The following SIRPA variants were observed in gnomAD, a reference collection of about 807,000 sequenced individuals.
SIRPA encodes signal regulatory protein alpha, also known as tyrosine-protein phosphatase non-receptor type substrate 1.
SIRPA carries 9 observed loss-of-function variants against 50.3 expected under a neutral mutation model. The observed-to-expected ratio is 0.18, with a 90% CI of 0.11 to 0.31. The LOEUF (loss-of-function observed/expected upper bound fraction) is 0.31. Among genes scored for constraint, SIRPA ranks in the 10% least tolerant of loss-of-function variants. SIRPA has a pLI of 1.00. For synonymous variants in SIRPA, 265 were observed against 284.1 expected, an observed-to-expected ratio of 0.93 and a Z score of 0.68; for missense variants, 474 against 661.6, an observed-to-expected ratio of 0.72 and a Z score of 3.11.
chr20:1,906,403 A>G (rs552349119), intron 1 of SIRPA, among the ~76,000 whole-genome samples: 1 of 152,340 alleles, frequency 6.6e-6, no homozygotes, highest in South Asian at 2.1e-4. Context: ...AGGATGACAT[A>G]TCGAACAATG....
At chr20:1,908,663 T>A (rs1038753695) in intron 1 of SIRPA, among the ~76,000 whole-genome samples, 2 of 152,212 alleles carry the variant, frequency 1.3e-5, no homozygotes, top group African/African-American at 2.4e-5. Flanking sequence ...TACACACGTG[T>A]GTTCTCGTGT....
intron 2 of SIRPA, among the ~76,000 whole-genome samples, chr20:1,919,777 C>T (rs556930490): frequency 1.3e-5 from 2 of 152,248 alleles, no homozygotes; most frequent in East Asian, 3.9e-4. Flanking sequence ...AGCCAATTCG[C>T]CAAACTTGTT....
chr20:1,934,661 T>G lies in SIRPA; in HGVS notation c.1227-54T>G. ...TAAATGTTATTCTTATCAGTTTGCA[T>G]GAGCACTTGAGATAGTGAGGGTATT... On this transcript the variant is annotated intron_variant, in intron 6 of 7. Coordinates refer to ENST00000358771, the MANE Select transcript of SIRPA (RefSeq NM_001040023.2). The surrounding 1 kb of genome is among the most constrained non-coding windows in gnomAD (Gnocchi z 4.6). 1.9e-6 allele frequency: 3 copies of G among 1,567,268 alleles called. No individual in the cohort carries two copies. Among genetic ancestry groups the G allele is most frequent in the South Asian group, 1.1e-5 (1 of 90,056 alleles).
At position 1,912,577 on chromosome 20, in the gene SIRPA, C is replaced by T. The variant is rs574781211; in HGVS notation, c.80-2522C>T. Among the ~76,000 whole-genome samples the T allele has an allele frequency of 3.3e-5, 5 of 152,196 alleles. No homozygotes were observed. In the East Asian group the frequency reaches 9.6e-4, roughly 29 times the overall value. On this transcript the variant is annotated intron_variant, in intron 1 of 7. Coordinates refer to ENST00000358771, the MANE Select transcript of SIRPA (RefSeq NM_001040023.2). ...ATCCTACTATTGGGAATGTGACAAT[C>T]CAGAGAAAATCAAATATGTGAATAA... is the stretch of plus-strand genomic sequence containing the variant.
intron 5 of SIRPA, among the ~76,000 whole-genome samples, chr20:1,926,605 A>G (rs1207165872): frequency 6.6e-6 from 1 of 152,228 alleles, no homozygotes; most frequent in Non-Finnish European, 1.5e-5. Flanking sequence ...CCAATGTGCC[A>G]GGCACTGCTC....
intron 1 of SIRPA, among the ~76,000 whole-genome samples, chr20:1,899,101 C>CTT (rs775273162): frequency 9.9e-5 from 15 of 151,820 alleles, no homozygotes; most frequent in African/African-American, 3.6e-4. Context: ...AGGTTTCCCC[C>CTT]CTCTCTCTCT....
chr20:1,930,586 TA>T (rs1443730674), intron 6 of SIRPA, among the ~76,000 whole-genome samples: 1 of 152,272 alleles, frequency 6.6e-6, no homozygotes, highest in African/African-American at 2.4e-5. Flanking sequence ...TTTTTGTTGT[TA>T]TTTTTTTATT....
intron 1 of SIRPA, among the ~76,000 whole-genome samples, chr20:1,904,369 G>A (rs182207127): frequency 8.5e-5 from 13 of 152,334 alleles, no homozygotes; most frequent in Admixed American, 8.5e-4. Flanking sequence ...CTCTTGGCTG[G>A]GGGTTGGCTT....
rs1324682693 is a variant in SIRPA at position 1,921,579 on chromosome 20, C to T, written c.621C>T (p.Tyr207=). ...NVDPVGESVS[Y]SIHSTAKVVL... is the part of the protein sequence containing the mutation. The stretch of plus-strand genomic sequence containing the variant: ...ACCCCGTAGGAGAGAGCGTGTCCTA[C>T]AGCATCCACAGCACAGCCAAGGTGG... The change falls in exon 3 of 8, where the codon TAC becomes TAT. Residue 207 remains tyrosine, a synonymous_variant. Transcript: ENST00000358771. The T allele has an allele frequency of 4.3e-6, 7 of 1,614,142 alleles. No homozygotes were observed. The highest frequency in any genetic ancestry group is 1.1e-5 in the South Asian group (1 of 91,090).
At chr20:1,902,641 A>G (rs1163720819) in intron 1 of SIRPA, among the ~76,000 whole-genome samples, 2 of 152,206 alleles carry the variant, frequency 1.3e-5, no homozygotes, top group Non-Finnish European at 2.9e-5. Context: ...AGCTGGGGAG[A>G]AAAGCAGGAG....
At chr20:1,905,591 A>AG (rs1984499423) in intron 1 of SIRPA, among the ~76,000 whole-genome samples, 1 of 152,196 alleles carries the variant, frequency 6.6e-6, no homozygotes, top group Non-Finnish European at 1.5e-5. Context: ...TCCCAACCTC[A>AG]GCCTCTCCAG....
intron 2 of SIRPA, among the ~76,000 whole-genome samples, chr20:1,916,214 A>T (rs1037143511): frequency 3.9e-5 from 6 of 152,194 alleles, no homozygotes; most frequent in African/African-American, 1.2e-4. Context: ...GGCAGCAAAG[A>T]TGCTCATTTT....
Position 1,895,597 on chromosome 20 carries a change from G to A in SIRPA, c.79+71G>A, listed in dbSNP as rs897890916. The A allele has an allele frequency of 1.2e-4, 138 of 1,187,156 alleles. 1 individual carries two copies. In the Admixed American group the frequency reaches 4.5e-3, roughly 38 times the overall value. The allele number at this position is 1,187,156 out of a possible 1,614,324, so 73.5% of individuals were successfully genotyped here. A position where few individuals can be genotyped will look rare whatever the true frequency, so the allele number is the denominator to read the frequency against. On this transcript the variant is annotated intron_variant, in intron 1 of 7. Transcript: ENST00000358771. ...GCTCAGGCCTCTCAGACTGGCACTG[G>A]GACCCCTTCGGCTAATGCCGAGCAG...
In SIRPA at chr20:1,916,032, G is replaced by A. The variant is rs145655874; in HGVS notation, c.436+577G>A. Among the ~76,000 whole-genome samples, 75 of 152,340 alleles carry A rather than the reference G, an allele frequency of 4.9e-4. No homozygotes were observed. In the East Asian group the frequency reaches 0.013, roughly 26 times the overall value. On this transcript the variant is annotated intron_variant, in intron 2 of 7. Coordinates refer to ENST00000358771, the MANE Select transcript of SIRPA (RefSeq NM_001040023.2). Reference sequence around the variant, plus strand: ...TTTAATCTGATGGCCCTGGTGAGAGGAGAAGCCAGAGGGTTGGGCATTTTC... The same window carrying A: ...TTTAATCTGATGGCCCTGGTGAGAGAAGAAGCCAGAGGGTTGGGCATTTTC...
At chr20:1,912,107 G>T (rs1285894688) in intron 1 of SIRPA, among the ~76,000 whole-genome samples, 1 of 152,304 alleles carries the variant, frequency 6.6e-6, no homozygotes, top group Non-Finnish European at 1.5e-5. Flanking sequence ...GGTGGAGAGA[G>T]CTCGAGAGGA....
Position 1,927,810 on chromosome 20 carries a change from A to T in SIRPA, c.1202-65A>T. On this transcript the variant is annotated intron_variant, in intron 5 of 7. Transcript: ENST00000358771. The surrounding 1 kb of genome is among the most constrained non-coding windows in gnomAD (Gnocchi z 6.5). The stretch of plus-strand genomic sequence containing the variant: ...CCTGGAGGCAAACCTTTTGCCAAAA[A>T]ATAGTTACATAAGAAAAGTGTGCTT... 1 of 1,525,160 alleles carries T rather than the reference A, an allele frequency of 6.6e-7. No individual in the cohort carries two copies. 94.5% of individuals were successfully genotyped at this position (1,525,160 alleles called of 1,614,324 possible).
chr20:1,937,724 C>T lies in SIRPA; in HGVS notation c.*156C>T, dbSNP rs1288285209. ...GGGTGGCTCTTCTCTCCCCACCCCT[C>T]CTTGGCTCTCCAGCACTTCCTGGGC... On this transcript the variant is annotated 3_prime_UTR_variant, in exon 8 of 8. Transcript: ENST00000358771. This position sits in a 1 kb window ranked among gnomAD's most constrained non-coding sequence, Gnocchi z 8.3. The T allele has an allele frequency of 1.1e-6, 1 of 887,588 alleles. No individual in the cohort carries two copies. The highest frequency in any genetic ancestry group is 2.7e-5 in the East Asian group (1 of 37,634). The allele number at this position is 887,588 out of a possible 1,614,324, so 55.0% of individuals were successfully genotyped here. A position where few individuals can be genotyped will look rare whatever the true frequency, so the allele number is the denominator to read the frequency against.
intron 1 of SIRPA, among the ~76,000 whole-genome samples, chr20:1,901,128 ATTTTTG>A (rs144035413): frequency 0.16 from 20,630 of 125,900 alleles, 1,886 homozygotes; most frequent in Admixed American, 0.23. Flanking sequence ...TGCTCCTCTC[ATTTTTG>A]TTTTTGTTTT....
At chr20:1,908,402 G>A (rs560759907) in intron 1 of SIRPA, among the ~76,000 whole-genome samples, 4 of 151,614 alleles carry the variant, frequency 2.6e-5, no homozygotes, top group South Asian at 2.1e-4. Flanking sequence ...CGTGCATGCC[G>A]CTCCTGCATC....
Sources: allele counts gnomAD v4.1 joint callset (sites outside exome capture counted in the v4.1 genomes callset), GRCh38; gene constraint gnomAD v4.1.1; non-coding constraint Gnocchi (gnomAD v3.1); transcripts MANE v1.5; gene names NCBI Gene and HGNC (gene_info 2026-07-23, HGNC 2026-07-21).